The following PLXNC1 variants were observed in gnomAD, a reference collection of about 807,000 sequenced individuals.
PLXNC1 encodes plexin-C1.
A neutral mutation model predicts 178.2 loss-of-function variants in PLXNC1; 75 were observed. The observed-to-expected ratio is 0.42, with a 90% CI of 0.35 to 0.51. PLXNC1 has a LOEUF of 0.51. Ranked by LOEUF, PLXNC1 falls within the 20% of genes least tolerant of loss-of-function variation. The pLI is 0.02. For synonymous variants in PLXNC1, 790 were observed against 779.9 expected (o/e 1.01, Z -0.22); for missense variants, 1,503 against 1,984.4 (o/e 0.76, Z 4.61).
At chr12:94,168,790 T>TA (rs1450184236) in intron 1 of PLXNC1, among the ~76,000 whole-genome samples, 1 of 152,182 alleles carries the variant, frequency 6.6e-6, no homozygotes, top group Non-Finnish European at 1.5e-5. Context: ...GGCGGCAGGA[T>TA]TTTGAAAACA....
chr12:94,149,714 A>T lies in PLXNC1; in HGVS notation c.743A>T (p.Tyr248Phe), dbSNP rs867910545. Reference protein sequence around the residue: ...FLWNGSIYFPYYPYNYTSGAA... With the variant: ...FLWNGSIYFPFYPYNYTSGAA... The stretch of plus-strand genomic sequence containing the variant: ...TGGAACGGCAGCATCTACTTCCCCT[A>T]CTACCCCTACAACTACACGAGCGGC... Residue 248 changes from tyrosine (Y) to phenylalanine (F), a missense_variant, in exon 1 of 31, where the codon TAC becomes TTC. Tyr to Phe is a conservative substitution (Grantham distance 22). Around this residue, in one of 4 missense-constraint regions of PLXNC1, gnomAD observed 615 missense variants for 698.6 expected, o/e 0.88. Transcript: ENST00000258526. 2 of 1,612,230 alleles carry T rather than the reference A, an allele frequency of 1.2e-6. No homozygotes were observed. The highest frequency in any genetic ancestry group is 8.5e-7 in the Non-Finnish European group (1 of 1,179,450).
intron 2 of PLXNC1, among the ~76,000 whole-genome samples, chr12:94,171,317 G>A (rs914680761): frequency 3.3e-5 from 5 of 152,272 alleles, no homozygotes; most frequent in African/African-American, 7.2e-5. Context: ...GTGTGGCCTC[G>A]TTGTTTTTTT....
chr12:94,159,743 C>A (rs1178565302), intron 1 of PLXNC1, among the ~76,000 whole-genome samples: 1 of 152,136 alleles, frequency 6.6e-6, no homozygotes, highest in East Asian at 1.9e-4. Flanking sequence ...AACGGCTGCC[C>A]TGTGGGGAAT....
At chr12:94,278,830 T>C (rs551144032) in intron 21 of PLXNC1, among the ~76,000 whole-genome samples, 3 of 152,194 alleles carry the variant, frequency 2.0e-5, no homozygotes, top group South Asian at 4.1e-4. Flanking sequence ...ACCCCGTCTC[T>C]ACTAAAAAAA....
chr12:94,213,666 A>C (rs1963559461), intron 5 of PLXNC1, among the ~76,000 whole-genome samples: 1 of 151,922 alleles, frequency 6.6e-6, no homozygotes, highest in South Asian at 2.1e-4. Context: ...ATTAGATCCC[A>C]TTTGTCTGTT....
At chr12:94,242,825 T>C (rs1206123246) in intron 11 of PLXNC1, among the ~76,000 whole-genome samples, 1 of 152,212 alleles carries the variant, frequency 6.6e-6, no homozygotes, top group Non-Finnish European at 1.5e-5. Context: ...CTTGTCCCTT[T>C]TGCAAATGAG....
At chr12:94,301,743 G>A (rs545606114) in intron 28 of PLXNC1, among the ~76,000 whole-genome samples, 6 of 152,174 alleles carry the variant, frequency 3.9e-5, no homozygotes, top group Non-Finnish European at 8.8e-5. Context: ...TTCCACAGGT[G>A]CCTCAGACTC....
At chr12:94,274,223 T>C (rs201145487) in intron 21 of PLXNC1, among the ~76,000 whole-genome samples, 2 of 147,176 alleles carry the variant, frequency 1.4e-5, no homozygotes, top group East Asian at 4.0e-4. Context: ...CTGTAGTCTC[T>C]GCTATGTGGG....
chr12:94,184,961 A>G (rs930841626), intron 3 of PLXNC1, among the ~76,000 whole-genome samples: 3 of 152,220 alleles, frequency 2.0e-5, no homozygotes, highest in South Asian at 2.1e-4. Flanking sequence ...TTGCTGGATC[A>G]TGGAGCCCTT....
chr12:94,188,521 A>C (rs1962604558), intron 4 of PLXNC1, among the ~76,000 whole-genome samples: 1 of 151,922 alleles, frequency 6.6e-6, no homozygotes, highest in Non-Finnish European at 1.5e-5. Context: ...ATGGGGTTTC[A>C]CCATGTTGGC....
At position 94,300,913 on chromosome 12, in the gene PLXNC1, T is replaced by C. The variant is rs757860140; in HGVS notation, c.4242T>C (p.Leu1414=). ...AGATTATTCTCTCTTTGAACAGCCT[T>C]CCTCTTCGCTTCTGGGTAAACATCC... ...DVVHIWKTNS[L]PLRFWVNILK... Residue 1414 remains leucine, a synonymous_variant, in exon 28 of 31, where the codon CTT becomes CTC. Transcript: ENST00000258526. 1 of 1,611,668 alleles carries C rather than the reference T, an allele frequency of 6.2e-7. No individual in the cohort carries two copies. Among genetic ancestry groups the C allele is most frequent in the South Asian group, 1.1e-5 (1 of 90,910 alleles).
In PLXNC1 at chr12:94,171,180, C is replaced by A. The variant is rs139437023; in HGVS notation, c.1203+1887C>A. Among the ~76,000 whole-genome samples the A allele has an allele frequency of 3.4e-3, 517 of 152,330 alleles. 3 individuals carry two copies. Among genetic ancestry groups the A allele is most frequent in the African/African-American group, 0.012 (487 of 41,580 alleles). On this transcript the variant is annotated intron_variant, in intron 2 of 30. Coordinates refer to ENST00000258526, the MANE Select transcript of PLXNC1 (RefSeq NM_005761.3). ...CAGCAGCCTGCATGCCGCTGGCCAGCTTTTAGCGATGTTGTGGCAACCAGG... is the reference window on the plus strand; with the variant it reads ...CAGCAGCCTGCATGCCGCTGGCCAGATTTTAGCGATGTTGTGGCAACCAGG...
At position 94,297,400 on chromosome 12, in the gene PLXNC1, C is replaced by A. The variant is rs201665971; in HGVS notation, c.4051C>A (p.Leu1351Met). Residue 1351 changes from leucine to methionine, a missense_variant, in exon 26 of 31, where the codon CTG becomes ATG. Leu to Met is a conservative substitution (Grantham distance 15, BLOSUM62 2). Transcript: ENST00000258526. ...CAAGTTCAAAGTAAAAGAAATGTAT[C>A]TGACAAAGCTGCTGTCGACCAAGGT... ...KHKFKVKEMY[L>M]TKLLSTKVAI... 6.2e-7 allele frequency: 1 copy of A among 1,613,206 alleles called. No homozygotes were observed. Among genetic ancestry groups the A allele is most frequent in the Non-Finnish European group, 8.5e-7 (1 of 1,179,382 alleles).
chr12:94,275,094 A>C (rs1219341869), intron 21 of PLXNC1, among the ~76,000 whole-genome samples: 1 of 152,220 alleles, frequency 6.6e-6, no homozygotes, highest in Non-Finnish European at 1.5e-5. Flanking sequence ...GGGAGGGTCC[A>C]GGTGGCCCGG....
intron 1 of PLXNC1, among the ~76,000 whole-genome samples, chr12:94,161,673 T>G (rs1961390139): frequency 6.6e-6 from 1 of 152,212 alleles, no homozygotes; most frequent in South Asian, 2.1e-4. Context: ...TGTTGACTGT[T>G]CATGGACTGA....
intron 23 of PLXNC1, among the ~76,000 whole-genome samples, chr12:94,284,574 A>C (rs977594705): frequency 6.6e-6 from 1 of 152,070 alleles, no homozygotes; most frequent in Non-Finnish European, 1.5e-5. Flanking sequence ...ATTTCGCCCC[A>C]TTCTATCCTA....
In PLXNC1 at chr12:94,265,108, G is replaced by A. The variant is rs961786818; in HGVS notation, c.3480G>A (p.Leu1160=). ...RETVGEPFYL[L]VTTLNQKINK... is the part of the protein sequence containing the mutation. Reference sequence around the variant, plus strand: ...CTGTCGGAGAGCCCTTCTATTTGCTGGTGACGACTCTGAACCAGAAAATTA... The same window carrying A: ...CTGTCGGAGAGCCCTTCTATTTGCTAGTGACGACTCTGAACCAGAAAATTA... The change falls in exon 21 of 31, where the codon CTG becomes CTA. Residue 1160 remains leucine (L), a synonymous_variant. Coordinates refer to ENST00000258526, the MANE Select transcript of PLXNC1 (RefSeq NM_005761.3). 1.1e-5 allele frequency: 17 copies of A among 1,614,156 alleles called. No individual in the cohort carries two copies. Among genetic ancestry groups the A allele is most frequent in the Non-Finnish European group, 1.4e-5 (17 of 1,179,998 alleles).
chr12:94,243,786 T>G, intron 11 of PLXNC1, 152 bp from the exon 12 acceptor site: 1 of 429,640 alleles, frequency 2.3e-6, no homozygotes, highest in Non-Finnish European at 4.2e-6. Context: ...ATTCCCAAAA[T>G]TGTCCTGTAT....
intron 9 of PLXNC1, among the ~76,000 whole-genome samples, chr12:94,230,275 A>G (rs1418534904): frequency 6.6e-6 from 1 of 152,204 alleles, no homozygotes; most frequent in East Asian, 1.9e-4. Flanking sequence ...TTATGTATCA[A>G]TAATTCATTC....
Sources: allele counts gnomAD v4.1 joint callset (sites outside exome capture counted in the v4.1 genomes callset), GRCh38; gene constraint gnomAD v4.1.1; regional missense constraint gnomAD v4.1.1; transcripts MANE v1.5; gene names NCBI Gene and HGNC (gene_info 2026-07-23, HGNC 2026-07-21).